PHTF2: variants seen among roughly 807,000 people sequenced by gnomAD.
The protein encoded by PHTF2 is protein PHTF2.
PHTF2 carries 60 observed loss-of-function variants against 101.2 expected under a neutral mutation model. The ratio of observed to expected loss-of-function variants is 0.59; its 90% confidence interval spans 0.48 to 0.73. The LOEUF (loss-of-function observed/expected upper bound fraction) is 0.73. PHTF2 is among the 30% of genes least tolerant of loss of function. The probability of loss-of-function intolerance (pLI) is 0.00; values close to 1 mark genes in which losing one functional copy is unlikely to be tolerated. For synonymous variants in PHTF2, 311 were observed against 307.3 expected (o/e 1.01, Z -0.13); for missense variants, 747 against 908.7 (o/e 0.82, Z 2.29).
intron 3 of PHTF2, among the ~76,000 whole-genome samples, chr7:77,862,153 C>T (rs1172136260): frequency 6.6e-6 from 1 of 151,988 alleles, no homozygotes; most frequent in Non-Finnish European, 1.5e-5. Flanking sequence ...TTTATAGACT[C>T]CAAGGGGATC....
At chr7:77,872,794 C>T (rs903750144) in intron 3 of PHTF2, among the ~76,000 whole-genome samples, 10 of 152,110 alleles carry the variant, frequency 6.6e-5, no homozygotes, top group Non-Finnish European at 8.8e-5. Flanking sequence ...GTGACTAATC[C>T]GCTCCACCAT....
intron 9 of PHTF2, among the ~76,000 whole-genome samples, chr7:77,911,865 G>A (rs1224252753): frequency 1.3e-5 from 2 of 152,124 alleles, no homozygotes; most frequent in Admixed American, 6.5e-5. Context: ...TAAAAAAAAT[G>A]TTTTGCACAT....
At chr7:77,938,260 A>T (rs758607365) in intron 13 of PHTF2, among the ~76,000 whole-genome samples, 6 of 152,232 alleles carry the variant, frequency 3.9e-5, no homozygotes, top group Non-Finnish European at 7.3e-5. Flanking sequence ...AGGACTTAAG[A>T]CATGAAAAAA....
At chr7:77,897,898 C>G (rs1043058243) in intron 5 of PHTF2, among the ~76,000 whole-genome samples, 1 of 151,766 alleles carries the variant, frequency 6.6e-6, no homozygotes, top group Non-Finnish European at 1.5e-5. Context: ...CTAGGCTGGT[C>G]TTGAACTCCT....
rs375835767 is a variant in PHTF2, at chr7:77,910,446, T to C, written c.776+37T>C. The C allele has an allele frequency of 2.2e-5, 32 of 1,475,772 alleles. No homozygotes were observed. The African/African-American group carries it at 4.0e-4, about 19-fold the overall frequency. The allele number at this position is 1,475,772 out of a possible 1,614,324, so 91.4% of individuals were successfully genotyped here. A position where few individuals can be genotyped will look rare whatever the true frequency, so the allele number is the denominator to read the frequency against. On this transcript the variant is annotated intron_variant, in intron 9 of 19. Transcript: ENST00000416283. ...TTTAAGGTTTTATATGGCATAGAGA[T>C]GGCACTATCCTTTTTCTGGCACTTC...
At chr7:77,905,984 A>G (rs1301823219) in intron 7 of PHTF2, among the ~76,000 whole-genome samples, 1 of 150,970 alleles carries the variant, frequency 6.6e-6, no homozygotes, top group African/African-American at 2.4e-5. Context: ...TTTTCTCTAT[A>G]TATCTTCTTT....
Position 77,853,165 on chromosome 7 carries a change from ATC to A in PHTF2, c.46-1558_46-1557del, listed in dbSNP as rs199867589. ...CTTTGAGTAAACTTTTTACCCCAAT[ATC>A]TCTCTCTCTGCCTCCTTTTTAAAGT... On this transcript the variant is annotated intron_variant, in intron 2 of 19. Transcript: ENST00000416283. Among the ~76,000 whole-genome samples, 574 of 152,086 alleles carry A rather than the reference ATC, an allele frequency of 3.8e-3. 4 individuals are homozygous for A. Among genetic ancestry groups the A allele is most frequent in the African/African-American group, 0.013 (547 of 41,504 alleles).
intron 2 of PHTF2, among the ~76,000 whole-genome samples, chr7:77,851,003 A>G (rs1268609428): frequency 6.6e-6 from 1 of 152,052 alleles, no homozygotes; most frequent in Non-Finnish European, 1.5e-5. Context: ...TTAATGTGTT[A>G]TTGTATTCGG....
intron 17 of PHTF2, among the ~76,000 whole-genome samples, chr7:77,950,267 A>G (rs1055951127): frequency 6.6e-6 from 1 of 152,320 alleles, no homozygotes; most frequent in South Asian, 2.1e-4. Context: ...ATTCTCATGA[A>G]TATTTTAGTT....
chr7:77,813,443 G>A (rs1054799427), intron 1 of PHTF2, among the ~76,000 whole-genome samples: 2 of 152,216 alleles, frequency 1.3e-5, no homozygotes, highest in Non-Finnish European at 2.9e-5. Flanking sequence ...TGTCCTCAAA[G>A]AGAACTTTCA....
Position 77,930,660 on chromosome 7 carries a change from T to C in PHTF2, c.1338+1333T>C, listed in dbSNP as rs377311106. Among the ~76,000 whole-genome samples the C allele has an allele frequency of 7.9e-5, 12 of 152,338 alleles. No homozygotes were observed. In the East Asian group the frequency reaches 1.9e-3, roughly 25 times the overall value. ...GGGTGGCTTAAACAACAAACATTTA[T>C]TTCTCACAGTTCTGAGGCCTGGAAG... On this transcript the variant is annotated intron_variant, in intron 12 of 19. Coordinates refer to ENST00000416283, the Ensembl canonical transcript of PHTF2.
At chr7:77,812,047 A>G (rs1333504093) in intron 1 of PHTF2, among the ~76,000 whole-genome samples, 2 of 152,228 alleles carry the variant, frequency 1.3e-5, no homozygotes, top group African/African-American at 4.8e-5. Context: ...CATTCTTCAA[A>G]TACATTATTT....
At chr7:77,805,297 T>A in intron 1 of PHTF2, among the ~76,000 whole-genome samples, 1 of 152,206 alleles carries the variant, frequency 6.6e-6, no homozygotes, top group East Asian at 1.9e-4. Flanking sequence ...ATGTCTTTTC[T>A]CTTTTCTCTC....
chr7:77,914,932 G>A (rs1802763053), intron 9 of PHTF2, among the ~76,000 whole-genome samples: 1 of 152,100 alleles, frequency 6.6e-6, no homozygotes, highest in Admixed American at 6.5e-5. Context: ...TTGGGGTGGA[G>A]GATGGAGTCT....
At chr7:77,858,705 T>G (rs1289463449) in intron 3 of PHTF2, among the ~76,000 whole-genome samples, 2 of 151,922 alleles carry the variant, frequency 1.3e-5, no homozygotes, top group Non-Finnish European at 2.9e-5. Context: ...TGTGTTGATT[T>G]AACAATGACA....
At chr7:77,864,657 A>T (rs1222190604) in intron 3 of PHTF2, among the ~76,000 whole-genome samples, 2 of 152,106 alleles carry the variant, frequency 1.3e-5, no homozygotes. Context: ...TTAAAACTCA[A>T]AGCTGGCATC....
chr7:77,920,589 T>G (rs12234571), intron 10 of PHTF2, 124 bp downstream of exon 9: 56,720 of 692,402 alleles, frequency 0.082, 3,252 homozygotes, highest in African/African-American at 0.19. Context: ...TGAGCGTTTA[T>G]AACACTGATG....
chr7:77,908,897 T>TG lies in PHTF2; in HGVS notation c.551dup (p.Cys184TrpfsTer18). 1 of 1,613,402 alleles carries TG rather than the reference T, an allele frequency of 6.2e-7. No individual in the cohort carries two copies. Among genetic ancestry groups the TG allele is most frequent in the Non-Finnish European group, 8.5e-7 (1 of 1,179,430 alleles). On this transcript the variant is annotated frameshift_variant, in exon 8 of 20. Coordinates refer to ENST00000416283, the Ensembl canonical transcript of PHTF2. LOFTEE classifies it high-confidence loss of function. ...GATGCTGCTCCTGGGAACTGTGCAT[T>TG]GCCAGATTGTTTCCACAAGAACACC...
intron 1 of PHTF2, among the ~76,000 whole-genome samples, chr7:77,803,389 C>A (rs1212283000): frequency 6.6e-6 from 1 of 151,990 alleles, no homozygotes; most frequent in Non-Finnish European, 1.5e-5. Context: ...TTTTGTAAGA[C>A]CTTTTGTATA....
Sources: allele counts gnomAD v4.1 joint callset (sites outside exome capture counted in the v4.1 genomes callset), GRCh38; gene constraint gnomAD v4.1.1; transcripts MANE v1.5; gene names NCBI Gene and HGNC (gene_info 2026-07-23, HGNC 2026-07-21).